Variants in TYK2 observed in about 807,000 individuals in gnomAD.
The protein encoded by TYK2 is tyrosine kinase 2.
TYK2 carries 65 observed loss-of-function variants against 130.9 expected under a neutral mutation model. That is an observed-to-expected ratio of 0.50 (90% CI 0.41 to 0.61). The LOEUF is 0.61. Among genes scored for constraint, TYK2 ranks in the 20% least tolerant of loss-of-function variants. The pLI is 0.00. For synonymous variants in TYK2, 647 were observed against 658.9 expected, an observed-to-expected ratio of 0.98 and a Z score of 0.28; for missense variants, 1,378 against 1,610.7, an observed-to-expected ratio of 0.86 and a Z score of 2.47.
chr19:10,353,461 T>A lies in TYK2; in HGVS notation c.3027+67A>T. 8.6e-7 allele frequency: 1 copy of A among 1,168,552 alleles called. No homozygotes were observed. Among genetic ancestry groups the A allele is most frequent in the Non-Finnish European group, 1.2e-6 (1 of 851,874 alleles). The allele number at this position is 1,168,552 out of a possible 1,614,324, so 72.4% of individuals were successfully genotyped here. ...GAGCGTGAGAGCAGACTGCACCGGA[T>A]CGCTCAGGCCAGCCCAAGCTGAAGA... is the stretch of plus-strand genomic sequence containing the variant. On this transcript the variant is annotated intron_variant, in intron 21 of 24. Transcript: ENST00000525621. The surrounding 1 kb of genome is among the most constrained non-coding windows in gnomAD (Gnocchi z 6.9).
In TYK2 at chr19:10,361,975, A is replaced by C; in HGVS notation, c.1774-20T>G. 1 of 1,613,966 alleles carries C rather than the reference A, an allele frequency of 6.2e-7. No homozygotes were observed. Among genetic ancestry groups the C allele is most frequent in the Non-Finnish European group, 8.5e-7 (1 of 1,179,940 alleles). On this transcript the variant is annotated intron_variant, in intron 12 of 24. Transcript: ENST00000525621. The surrounding 1 kb of genome is among the most constrained non-coding windows in gnomAD (Gnocchi z 4.0). ...GGACAGCTGCGGGATCATGTGGCAC[A>C]GAATACCGCCATGGTGAAAGTTAGC...
rs146786766 is a variant in TYK2, at chr19:10,362,399, C to T, written c.1534G>A (p.Gly512Arg). Residue 512 changes from glycine to arginine, a missense_variant, in exon 11 of 25, where the codon GGG (glycine) becomes AGG (arginine). Gly to Arg is a moderately radical substitution (Grantham distance 125). Transcript: ENST00000525621. ...LRKFPIEQQDGAFVLEGWGRS... is the reference protein window; with the variant it reads ...LRKFPIEQQDRAFVLEGWGRS... ...CCCCAGCCCTCCAGCACGAAGGCCC[C>T]GTCCTGCTGCTCAATGGGGAACTTT... is the stretch of plus-strand genomic sequence containing the variant. The T allele has an allele frequency of 2.6e-4, 422 of 1,613,300 alleles. 7 individuals carry two copies. The South Asian group carries it at 4.2e-3, about 16-fold the overall frequency.
intron 3 of TYK2, among the ~76,000 whole-genome samples, chr19:10,370,034 ACT>A (rs2041847621): frequency 6.7e-6 from 1 of 149,540 alleles, no homozygotes; most frequent in Admixed American, 6.7e-5. Flanking sequence ...ACAGAGCGAG[ACT>A]CTGTCTCAAA....
chr19:10,378,063 TG>T, intron 3 of TYK2, 150 bp downstream of exon 3: 2 of 698,374 alleles, frequency 2.9e-6, no homozygotes, highest in South Asian at 3.5e-5. Flanking sequence ...GGAGGGTGGA[TG>T]GGTGGGTGGA....
In TYK2 at chr19:10,353,598, A is replaced by G; in HGVS notation, c.2957T>C (p.Leu986Pro). 2 of 1,482,534 alleles carry G rather than the reference A, an allele frequency of 1.3e-6. No homozygotes were observed. Among genetic ancestry groups the G allele is most frequent in the Non-Finnish European group, 1.8e-6 (2 of 1,113,638 alleles). 91.8% of individuals were successfully genotyped at this position (1,482,534 alleles called of 1,614,324 possible). Residue 986 changes from leucine (L) to proline (P), a missense_variant, in exon 21 of 25, where the codon CTC becomes CCC. Transcript: ENST00000525621. The surrounding 1 kb of genome is among the most constrained non-coding windows in gnomAD (Gnocchi z 6.9). ...GCTGTGCCGGGGCAGGTAGTCTCGG[A>G]GGCTGCCCAGGGGCACGTACTCCAT... is the stretch of plus-strand genomic sequence containing the variant. ...LVMEYVPLGS[L>P]RDYLPRHSIG... is the part of the protein sequence containing the mutation.
chr19:10,350,784 C>G lies in TYK2; in HGVS notation c.*50G>C, dbSNP rs772521371. 27 of 1,607,478 alleles carry G rather than the reference C, an allele frequency of 1.7e-5. No homozygotes were observed. The East Asian group carries it at 4.9e-4, about 29-fold the overall frequency. ...TGGAGCAGGGAGCAGGAGGCTCCCT[C>G]TGCAGCCACTGCCTGGTCCAGTCCT... is the stretch of plus-strand genomic sequence containing the variant. On this transcript the variant is annotated 3_prime_UTR_variant, in exon 25 of 25. Transcript: ENST00000525621.
Position 10,362,062 on chromosome 19 carries a change from C to T in TYK2, c.1773+16G>A. 1 of 1,613,956 alleles carries T rather than the reference C, an allele frequency of 6.2e-7. No individual in the cohort carries two copies. The highest frequency in any genetic ancestry group is 1.7e-5 in the Admixed American group (1 of 59,992). ...AGGGGCCCTGCCCTTGCCCCGGGCC[C>T]CTTCCCTGCACCCACCTGGGTGATC... On this transcript the variant is annotated intron_variant, in intron 12 of 24. Coordinates refer to ENST00000525621, the MANE Select transcript of TYK2 (RefSeq NM_003331.5).
In TYK2 at chr19:10,361,691, C is replaced by A. The variant is rs537583653; in HGVS notation, c.1959+79G>T. On this transcript the variant is annotated intron_variant, in intron 13 of 24. Coordinates refer to ENST00000525621, the MANE Select transcript of TYK2 (RefSeq NM_003331.5). The surrounding 1 kb of genome is among the most constrained non-coding windows in gnomAD (Gnocchi z 4.0). ...CACCCCTCCCATCCCACCTCCTCCA[C>A]AGACACACCCCTCCCATCCCACCTC... 6.3e-7 allele frequency: 1 copy of A among 1,579,100 alleles called. No individual in the cohort carries two copies. Among genetic ancestry groups the A allele is most frequent in the African/African-American group, 1.3e-5 (1 of 74,230 alleles).
chr19:10,351,194 G>T (rs2040784729), intron 23 of TYK2, 32 bp from the exon 24 acceptor site: 1 of 1,591,324 alleles, frequency 6.3e-7, no homozygotes, highest in Middle Eastern at 1.7e-4. Context: ...CTCTTTTCAA[G>T]AGGCAATGAA....
intron 17 of TYK2, chr19:10,356,986 G>C: frequency 1.9e-6 from 1 of 540,228 alleles, no homozygotes; most frequent in Non-Finnish European, 3.3e-6. Flanking sequence ...CCCTCCTGTA[G>C]ACCACAGCTC....
intron 2 of TYK2, among the ~76,000 whole-genome samples, chr19:10,378,880 ATTTTT>A (rs2042270830): frequency 7.0e-6 from 1 of 143,542 alleles, no homozygotes; most frequent in African/African-American, 2.6e-5. Context: ...ATCTTATCTT[ATTTTT>A]GAGACAGAGT....
rs557381252 is a variant in TYK2 at position 10,365,031 on chromosome 19, A to G, written c.1029T>C (p.Ser343=). 6.2e-7 allele frequency: 1 copy of G among 1,607,376 alleles called. No homozygotes were observed. Among genetic ancestry groups the G allele is most frequent in the African/African-American group, 1.3e-5 (1 of 74,988 alleles). Residue 343 remains serine (S), a synonymous_variant, in exon 8 of 25, where the codon AGT becomes AGC. Coordinates refer to ENST00000525621, the MANE Select transcript of TYK2 (RefSeq NM_003331.5). ...ACAGGCTGGCTTGGGGGTTCCTGCC[A>G]CTGCTGCCACTAGAACCCTGAACAC... The part of the protein sequence containing the change: ...VNKEEGSSGS[S]GRNPQASLFG...
At chr19:10,352,882 C>A (rs1440710525) in intron 22 of TYK2, 44 bp downstream of exon 22, 1 of 1,545,602 alleles carries the variant, frequency 6.5e-7, no homozygotes, top group South Asian at 1.2e-5. Flanking sequence ...CTGCCTGTTC[C>A]AAGTGACCCC....
In TYK2 at chr19:10,352,427, C is replaced by T. The variant is rs772835445; in HGVS notation, c.3318+7G>A. 6.3e-7 allele frequency: 1 copy of T among 1,591,516 alleles called. No individual in the cohort carries two copies. The highest frequency in any genetic ancestry group is 8.6e-7 in the Non-Finnish European group (1 of 1,160,222). The stretch of plus-strand genomic sequence containing the variant: ...ACTCCCGGTGGGGCTGCGGGCCTGG[C>T]TCTCACCGTGGGGGGGCTCTGGCTG... On this transcript the variant is annotated splice_region_variant and intron_variant, in intron 23 of 24. Coordinates refer to ENST00000525621, the MANE Select transcript of TYK2 (RefSeq NM_003331.5).
chr19:10,363,250 T>C (rs1243176707), intron 9 of TYK2, among the ~76,000 whole-genome samples: 2 of 146,238 alleles, frequency 1.4e-5, no homozygotes, highest in Non-Finnish European at 3.0e-5. Context: ...AGTGCAGCGG[T>C]GCAATCTTGG....
intron 7 of TYK2, 112 bp downstream of exon 7, chr19:10,365,405 T>G: frequency 6.6e-7 from 1 of 1,522,814 alleles, no homozygotes; most frequent in Non-Finnish European, 9.0e-7. Flanking sequence ...CCCAGAGCCA[T>G]GTGGGGAGAG....
chr19:10,366,731 GCT>G, intron 5 of TYK2, 151 bp from the exon 6 acceptor site: 3 of 521,514 alleles, frequency 5.8e-6, no homozygotes, highest in South Asian at 2.6e-5. Flanking sequence ...TAGCTGATGA[GCT>G]AAAAAAAAAA....
chr19:10,369,208 T>C (rs2041809267), intron 3 of TYK2, among the ~76,000 whole-genome samples: 2 of 152,150 alleles, frequency 1.3e-5, no homozygotes, highest in South Asian at 4.1e-4. Flanking sequence ...CTGCTGCAAT[T>C]GTCTGGCGTC....
At chr19:10,354,287 C>T in intron 19 of TYK2, 53 bp from the exon 20 acceptor site, 1 of 1,592,582 alleles carries the variant, frequency 6.3e-7, no homozygotes, top group Non-Finnish European at 8.5e-7. Context: ...CTGCACCACT[C>T]CCCAACCCCC....
Sources: gnomAD v4.1 joint callset for allele counts (sites outside exome capture counted in the v4.1 genomes callset) on GRCh38, gnomAD v4.1.1 for gene constraint, Gnocchi (gnomAD v3.1) non-coding constraint, MANE v1.5 for transcripts, NCBI Gene and HGNC (gene_info 2026-07-23, HGNC 2026-07-21) for gene names.